Variants in PPARGC1A observed in about 807,000 individuals in gnomAD.
PPARGC1A encodes the protein PPARG coactivator 1 alpha, also known as peroxisome proliferator-activated receptor gamma coactivator 1-alpha.
PPARGC1A carries 25 observed loss-of-function variants against 88.7 expected under a neutral mutation model. That is an observed-to-expected ratio of 0.28 (90% CI 0.21 to 0.39). PPARGC1A has a LOEUF of 0.39. PPARGC1A is among the 10% of genes least tolerant of loss of function. The probability of loss-of-function intolerance (pLI) is 1.00; values close to 1 mark genes in which losing one functional copy is unlikely to be tolerated. For missense variants in PPARGC1A, 880 were observed against 968.7 expected, an observed-to-expected ratio of 0.91 and a Z score of 1.22; for synonymous variants, 363 against 355.6, an observed-to-expected ratio of 1.02 and a Z score of -0.24.
At chr4:23,998,079 A>C in the PPARGC1A span, among the ~76,000 whole-genome samples, 1 of 152,232 alleles carries the variant, frequency 6.6e-6, no homozygotes, top group African/African-American at 2.4e-5. Flanking sequence ...ATACGACCTC[A>C]GTTCTTGTTA....
chr4:24,457,686 A>G, the PPARGC1A span, among the ~76,000 whole-genome samples: 1 of 152,040 alleles, frequency 6.6e-6, no homozygotes, highest in Non-Finnish European at 1.5e-5. Flanking sequence ...CTGGGACTAC[A>G]GGCACCCGAC....
the PPARGC1A span, among the ~76,000 whole-genome samples, chr4:24,445,584 G>A: frequency 8.5e-5 from 13 of 152,244 alleles, no homozygotes; most frequent in East Asian, 1.5e-3. Flanking sequence ...GTGAAGCTTC[G>A]CACTGAAAGT....
At chr4:23,962,212 T>C in the PPARGC1A span, among the ~76,000 whole-genome samples, 1 of 152,014 alleles carries the variant, frequency 6.6e-6, no homozygotes, top group Admixed American at 6.6e-5. Context: ...AAAGTCTCAA[T>C]ATCAACTCCA....
chr4:24,089,373 T>C, the PPARGC1A span, among the ~76,000 whole-genome samples: 1 of 152,152 alleles, frequency 6.6e-6, no homozygotes, highest in Non-Finnish European at 1.5e-5. Flanking sequence ...CTTGGGGATG[T>C]TCAAGAGGTA....
chr4:24,269,379 A>AT, the PPARGC1A span, among the ~76,000 whole-genome samples: 1 of 147,230 alleles, frequency 6.8e-6, no homozygotes, highest in East Asian at 2.0e-4. Context: ...GTGACTTATT[A>AT]TCTCTATAGA....
At chr4:24,277,298 TG>T in the PPARGC1A span, among the ~76,000 whole-genome samples, 17 of 152,226 alleles carry the variant, frequency 1.1e-4, no homozygotes, top group South Asian at 3.1e-3. Flanking sequence ...AGGCTGCACA[TG>T]TAGACTTTGA....
At chr4:24,369,833 G>A in the PPARGC1A span, among the ~76,000 whole-genome samples, 6 of 152,286 alleles carry the variant, frequency 3.9e-5, no homozygotes, top group East Asian at 7.7e-4. Flanking sequence ...CCAACCCTCC[G>A]AGTTAGCAGG....
chr4:24,470,996 G>A, the PPARGC1A span, among the ~76,000 whole-genome samples: 1 of 151,492 alleles, frequency 6.6e-6, no homozygotes, highest in South Asian at 2.1e-4. The surrounding 1 kb of genome is among the most constrained non-coding windows in gnomAD (Gnocchi z 5.8). Flanking sequence ...GAGCTCGCAG[G>A]AACGCGCTGC....
At chr4:24,201,807 TAAC>T in the PPARGC1A span, among the ~76,000 whole-genome samples, 34 of 152,212 alleles carry the variant, frequency 2.2e-4, no homozygotes, top group African/African-American at 8.0e-4. Context: ...TTTTTCCACT[TAAC>T]AAATATTCTT....
chr4:23,885,622 C>T (rs1200402473), intron 1 of PPARGC1A, among the ~76,000 whole-genome samples: 8 of 150,690 alleles, frequency 5.3e-5, no homozygotes, highest in African/African-American at 1.5e-4. Flanking sequence ...TTTTTCTATA[C>T]GGCTTTTGTA....
chr4:24,462,253 A>T, the PPARGC1A span, among the ~76,000 whole-genome samples: 1 of 143,346 alleles, frequency 7.0e-6, no homozygotes, highest in East Asian at 2.0e-4. Context: ...ACCCGGCTAA[A>T]TTTTTTTTTT....
chr4:24,204,397 T>C, the PPARGC1A span, among the ~76,000 whole-genome samples: 16 of 151,442 alleles, frequency 1.1e-4, no homozygotes, highest in South Asian at 3.3e-3. Context: ...GCCTGGTAAA[T>C]AGTACCTGCA....
At chr4:24,130,195 C>A in the PPARGC1A span, among the ~76,000 whole-genome samples, 1 of 152,064 alleles carries the variant, frequency 6.6e-6, no homozygotes, top group Non-Finnish European at 1.5e-5. Context: ...TAAGAGCTTG[C>A]AATGCTCAGG....
chr4:23,951,223 A>G, the PPARGC1A span, among the ~76,000 whole-genome samples: 551 of 152,246 alleles, frequency 3.6e-3, 2 homozygotes, highest in African/African-American at 0.012. Flanking sequence ...ATGGTTTCCT[A>G]TGAAGAATGC....
the PPARGC1A span, among the ~76,000 whole-genome samples, chr4:24,312,332 A>C: frequency 4.6e-3 from 695 of 152,148 alleles, 4 homozygotes; most frequent in African/African-American, 0.016. Flanking sequence ...TTCATCCTGG[A>C]CTATAATCCT....
At chr4:24,166,959 A>C in the PPARGC1A span, among the ~76,000 whole-genome samples, 1 of 152,240 alleles carries the variant, frequency 6.6e-6, no homozygotes, top group Admixed American at 6.5e-5. Context: ...GAGTAATTTC[A>C]ATTTTCAAGT....
intron 2 of PPARGC1A, among the ~76,000 whole-genome samples, chr4:23,878,293 C>T (rs1186904536): frequency 6.7e-6 from 1 of 149,820 alleles, no homozygotes; most frequent in Non-Finnish European, 1.5e-5. Context: ...CCTAATGAAA[C>T]ATACACATTC....
chr4:24,150,312 G>A, the PPARGC1A span, among the ~76,000 whole-genome samples: 1 of 152,142 alleles, frequency 6.6e-6, no homozygotes, highest in Non-Finnish European at 1.5e-5. Context: ...TAACATAAAA[G>A]GGCACTCTAT....
chr4:23,816,484 T>G (rs1722004477), intron 7 of PPARGC1A, among the ~76,000 whole-genome samples: 1 of 152,210 alleles, frequency 6.6e-6, no homozygotes, highest in Admixed American at 6.5e-5. Flanking sequence ...GCCTTATTCA[T>G]GCATACTGAT....
Sources: allele counts gnomAD v4.1 joint callset (sites outside exome capture counted in the v4.1 genomes callset), GRCh38; gene constraint gnomAD v4.1.1; non-coding constraint Gnocchi (gnomAD v3.1); transcripts MANE v1.5; gene names NCBI Gene and HGNC (gene_info 2026-07-23, HGNC 2026-07-21).